MLLT6: variants seen among roughly 807,000 people sequenced by gnomAD.
MLLT6 encodes protein AF-17.
In MLLT6, 22 loss-of-function variants were observed where a neutral mutation model predicts 103.0. The ratio of observed to expected loss-of-function variants is 0.21; its 90% CI spans 0.15 to 0.31. The LOEUF (loss-of-function observed/expected upper bound fraction) is 0.31. Among genes scored for constraint, MLLT6 ranks in the 10% least tolerant of loss-of-function variants. The pLI is 1.00. For synonymous variants in MLLT6, 606 were observed against 623.5 expected, an observed-to-expected ratio of 0.97 and a Z score of 0.42; for missense variants, 1,199 against 1,441.7, an observed-to-expected ratio of 0.83 and a Z score of 2.73.
At chr17:38,706,817 C>A in intron 1 of MLLT6, 133 bp from the exon 2 acceptor site, 1 of 658,290 alleles carries the variant, frequency 1.5e-6, no homozygotes, top group Admixed American at 2.7e-5. Context: ...GAGTGAGTGA[C>A]CCGTAGACTG....
chr17:38,710,304 C>G (rs1398192721), intron 6 of MLLT6, among the ~76,000 whole-genome samples: 2 of 152,118 alleles, frequency 1.3e-5, no homozygotes, highest in Admixed American at 6.5e-5. Context: ...GGAAAGGGTG[C>G]TACTCTGTGT....
chr17:38,723,090 T>C (rs1372263445), intron 18 of MLLT6, among the ~76,000 whole-genome samples: 1 of 152,160 alleles, frequency 6.6e-6, no homozygotes, highest in African/African-American at 2.4e-5. Context: ...CAGGGGAAAC[T>C]CCAGGGTCTG....
In MLLT6 at chr17:38,721,998, C is replaced by T. The variant is rs1437779658; in HGVS notation, c.2563C>T (p.Pro855Ser). ...TCTGCCCCTGGCCCTGCCTGGGGCC[C>T]CTGCCCCACTCCCGCCCCAGCCGCA... is the stretch of plus-strand genomic sequence containing the variant. ...ATLPLALPGAPAPLPPQPQNG... is the reference protein window; with the variant it reads ...ATLPLALPGASAPLPPQPQNG... The change falls in exon 17 of 20, where the codon CCT (proline) becomes TCT (serine). Residue 855 changes from proline (P) to serine (S), a missense_variant. This residue lies in a region of MLLT6 where 1,034 missense variants were observed against 1,091.5 expected (regional missense o/e 0.95). Transcript: ENST00000621332. 4 of 1,488,806 alleles carry T rather than the reference C, an allele frequency of 2.7e-6. No individual in the cohort carries two copies. The Admixed American group carries it at 6.3e-5, about 24-fold the overall frequency. The allele number at this position is 1,488,806 out of a possible 1,614,324, so 92.2% of individuals were successfully genotyped here.
At chr17:38,705,792 G>A (rs1480216190) in intron 1 of MLLT6, 51 bp downstream of exon 1, 23 of 889,682 alleles carry the variant, frequency 2.6e-5, no homozygotes, top group Non-Finnish European at 2.8e-5. Flanking sequence ...CGGCGTGCGC[G>A]GGGCGCCCCC....
At position 38,707,077 on chromosome 17, in the gene MLLT6, C is replaced by T. The variant is rs374968227; in HGVS notation, c.189+48C>T. The T allele has an allele frequency of 8.5e-6, 13 of 1,526,702 alleles. No individual in the cohort carries two copies. In the African/African-American group the frequency reaches 1.2e-4, roughly 15 times the overall value. The allele number at this position is 1,526,702 out of a possible 1,614,324, so 94.6% of individuals were successfully genotyped here. A position where few individuals can be genotyped will look rare whatever the true frequency, so the allele number is the denominator to read the frequency against. On this transcript the variant is annotated intron_variant, in intron 2 of 19. Coordinates refer to ENST00000621332, the MANE Select transcript of MLLT6 (RefSeq NM_005937.4). The stretch of plus-strand genomic sequence containing the variant: ...CCACTCCCCTGCCCCTCCCACACAC[C>T]TGAGCGTCTCAGGTTGAGCTAGGGG...
intron 9 of MLLT6, 78 bp downstream of exon 9, chr17:38,715,906 A>G (rs1181755939): frequency 7.7e-7 from 1 of 1,299,370 alleles, no homozygotes; most frequent in Non-Finnish European, 1.1e-6. Flanking sequence ...GGGACTTTGC[A>G]TATTGGTTTT....
chr17:38,706,869 A>C, intron 1 of MLLT6, 81 bp from the exon 2 acceptor site: 1 of 1,209,640 alleles, frequency 8.3e-7, no homozygotes, highest in Non-Finnish European at 1.2e-6. Context: ...AGTCCTTTGG[A>C]GTCACCGCCT....
Position 38,721,983 on chromosome 17 carries a change from GCCCTGCCTGGGGC to G in MLLT6, c.2556_2568del (p.Gly853HisfsTer47), listed in dbSNP as rs1373526551. On this transcript the variant is annotated frameshift_variant, in exon 17 of 20. Transcript: ENST00000621332. LOFTEE classifies it high-confidence loss of function. ...GCAGAGCCCTGCCACTCTGCCCCTG[GCCCTGCCTGGGGC>G]CCCTGCCCCACTCCCGCCCCAGCCG... 6.7e-7 allele frequency: 1 copy of G among 1,498,966 alleles called. No individual in the cohort carries two copies. The allele number at this position is 1,498,966 out of a possible 1,614,324, so 92.9% of individuals were successfully genotyped here.
chr17:38,718,642 T>C (rs1905489257), intron 12 of MLLT6: 1 of 152,270 alleles, frequency 6.6e-6, no homozygotes, highest in Non-Finnish European at 1.5e-5. Flanking sequence ...TTCTCCTGAC[T>C]CCAAGCCCAG....
chr17:38,716,899 C>G lies in MLLT6; in HGVS notation c.1569C>G (p.Gly523=). The change falls in exon 10 of 20, where the codon GGC becomes GGG. Residue 523 remains glycine, a synonymous_variant. Transcript: ENST00000621332. The surrounding 1 kb of genome is among the most constrained non-coding windows in gnomAD (Gnocchi z 5.6). The part of the protein sequence containing the change: ...PFSGGSLVSS[G]LGGLSSRTFG... Reference sequence around the variant, plus strand: ...CTGGAGGTTCCCTGGTCAGCTCCGGCCTGGGAGGTCTGTCCTCCCGAACCT... The same window carrying G: ...CTGGAGGTTCCCTGGTCAGCTCCGGGCTGGGAGGTCTGTCCTCCCGAACCT... The G allele has an allele frequency of 6.2e-7, 1 of 1,613,760 alleles. No homozygotes were observed. Among genetic ancestry groups the G allele is most frequent in the Non-Finnish European group, 8.5e-7 (1 of 1,179,900 alleles).
At position 38,717,553 on chromosome 17, in the gene MLLT6, C is replaced by T; in HGVS notation, c.1773C>T (p.Leu591=). ...CAGGGACCTCGGCCCTGCCCCGCCTCAGCCGCTCCCCGTTCACCAGCACCC... is the reference window on the plus strand; with the variant it reads ...CAGGGACCTCGGCCCTGCCCCGCCTTAGCCGCTCCCCGTTCACCAGCACCC... ...GPPGTSALPR[L]SRSPFTSTLP... Residue 591 remains leucine, a synonymous_variant, in exon 11 of 20, where the codon CTC becomes CTT. Coordinates refer to ENST00000621332, the MANE Select transcript of MLLT6 (RefSeq NM_005937.4). 3 of 1,613,962 alleles carry T rather than the reference C, an allele frequency of 1.9e-6. No individual in the cohort carries two copies. Among genetic ancestry groups the T allele is most frequent in the African/African-American group, 2.7e-5 (2 of 75,046 alleles).
At chr17:38,719,946 C>T (rs374722140) in intron 14 of MLLT6, 51 bp downstream of exon 14, 144 of 1,505,200 alleles carry the variant, frequency 9.6e-5, no homozygotes, top group Non-Finnish European at 1.2e-4. Context: ...CCCTAACAGT[C>T]ACCTTTCTCC....
In MLLT6 at chr17:38,725,355, G is replaced by T. The variant is rs528385236; in HGVS notation, c.3241-202G>T. The T allele has an allele frequency of 1.1e-4, 65 of 576,744 alleles. No individual in the cohort carries two copies. In the East Asian group the frequency reaches 2.0e-3, roughly 18 times the overall value. The allele number at this position is 576,744 out of a possible 1,614,324, so 35.7% of individuals were successfully genotyped here. On this transcript the variant is annotated intron_variant, in intron 19 of 19. Coordinates refer to ENST00000621332, the MANE Select transcript of MLLT6 (RefSeq NM_005937.4). Reference sequence around the variant, plus strand: ...ACGGCCTTAGCTTGCACATGCCCACGCAGCCCGGTGCTCTTCTGCAGGGTG... The same window carrying T: ...ACGGCCTTAGCTTGCACATGCCCACTCAGCCCGGTGCTCTTCTGCAGGGTG...
intron 12 of MLLT6, 106 bp downstream of exon 12, chr17:38,718,059 C>T: frequency 1.3e-6 from 1 of 787,996 alleles, no homozygotes; most frequent in East Asian, 2.6e-5. Context: ...CTGCCCCCTC[C>T]CTCTGGCCAT....
In MLLT6 at chr17:38,729,261, T is replaced by C. The variant is rs1906196017; in HGVS notation, c.*3663T>C. 8.6e-6 allele frequency: 2 copies of C among 233,080 alleles called. No homozygotes were observed. The highest frequency in any genetic ancestry group is 5.6e-5 in the Admixed American group (1 of 17,782). 14.4% of individuals were successfully genotyped at this position (233,080 alleles called of 1,614,324 possible). Reference sequence around the variant, plus strand: ...CCCAGTTCTCCTTTATCTCAACTTATTTTCCTGGGGAGAGGTGCCTAGAGG... The same window carrying C: ...CCCAGTTCTCCTTTATCTCAACTTACTTTCCTGGGGAGAGGTGCCTAGAGG... On this transcript the variant is annotated 3_prime_UTR_variant, in exon 20 of 20. Transcript: ENST00000621332.
chr17:38,719,504 C>T lies in MLLT6; in HGVS notation c.1943-13C>T. On this transcript the variant is annotated splice_polypyrimidine_tract_variant and intron_variant, in intron 12 of 19. Coordinates refer to ENST00000621332, the MANE Select transcript of MLLT6 (RefSeq NM_005937.4). ...ACTCCTCCACGCTGATCCCAGCCTT[C>T]CCTTCTTCCAAGAGCCAGACCTGGA... 6.2e-7 allele frequency: 1 copy of T among 1,604,762 alleles called. No individual in the cohort carries two copies. Among genetic ancestry groups the T allele is most frequent in the Non-Finnish European group, 8.5e-7 (1 of 1,176,176 alleles).
chr17:38,716,352 C>T lies in MLLT6; in HGVS notation c.1037-15C>T. On this transcript the variant is annotated splice_polypyrimidine_tract_variant and intron_variant, in intron 9 of 19. Transcript: ENST00000621332. This position sits in a 1 kb window ranked among gnomAD's most constrained non-coding sequence, Gnocchi z 5.6. The stretch of plus-strand genomic sequence containing the variant: ...ATCTGGGGTCCAGCTGTAACTGTTT[C>T]CCCTCTGTGCACAGTCTCGTCCCTG... The T allele has an allele frequency of 6.3e-7, 1 of 1,598,894 alleles. No individual in the cohort carries two copies. Among genetic ancestry groups the T allele is most frequent in the Non-Finnish European group, 8.5e-7 (1 of 1,175,736 alleles).
Position 38,716,414 on chromosome 17 carries a change from G to C in MLLT6, c.1084G>C (p.Glu362Gln). The stretch of plus-strand genomic sequence containing the variant: ...TGACTTCTCTGCATTCCCCAAGCTG[G>C]AGCAGCCAGAGGAGGACAAGTACTC... ...SPDFSAFPKL[E>Q]QPEEDKYSKP... Residue 362 changes from glutamate (E) to glutamine (Q), a missense_variant, in exon 10 of 20, where the codon GAG (glutamate) becomes CAG (glutamine). Around this residue, in one of 7 missense-constraint regions of MLLT6, gnomAD observed 1,034 missense variants for 1,091.5 expected, o/e 0.95. Transcript: ENST00000621332. This position sits in a 1 kb window ranked among gnomAD's most constrained non-coding sequence, Gnocchi z 5.6. 1.2e-6 allele frequency: 2 copies of C among 1,613,716 alleles called. No homozygotes were observed. The highest frequency in any genetic ancestry group is 1.7e-6 in the Non-Finnish European group (2 of 1,179,862).
In MLLT6 at chr17:38,727,400, C is replaced by T; in HGVS notation, c.*1802C>T. Reference sequence around the variant, plus strand: ...CAGTTGTGATGACCTCAGAAATACTCACTTTTTATTAATGCTAAATATGTT... The same window carrying T: ...CAGTTGTGATGACCTCAGAAATACTTACTTTTTATTAATGCTAAATATGTT... On this transcript the variant is annotated 3_prime_UTR_variant, in exon 20 of 20. Coordinates refer to ENST00000621332, the MANE Select transcript of MLLT6 (RefSeq NM_005937.4). 4.3e-6 allele frequency: 1 copy of T among 230,918 alleles called. No individual in the cohort carries two copies. The allele number at this position is 230,918 out of a possible 1,614,324, so 14.3% of individuals were successfully genotyped here.
Sources: allele counts gnomAD v4.1 joint callset (sites outside exome capture counted in the v4.1 genomes callset), GRCh38; gene constraint gnomAD v4.1.1; regional missense constraint gnomAD v4.1.1; non-coding constraint Gnocchi (gnomAD v3.1); transcripts MANE v1.5; gene names NCBI Gene and HGNC (gene_info 2026-07-23, HGNC 2026-07-21).